The following IMPA2 variants were observed in gnomAD, a reference collection of about 807,000 sequenced individuals.
IMPA2 encodes inositol monophosphatase 2.
In IMPA2, 32 loss-of-function variants were observed where a neutral mutation model predicts 35.1. The observed-to-expected ratio is 0.91, with a 90% CI of 0.69 to 1.23. The LOEUF (loss-of-function observed/expected upper bound fraction) is 1.23, where lower values mean the gene tolerates loss of function less well. IMPA2 is among the 50% of genes most tolerant of loss of function. The pLI is 0.00. For missense variants in IMPA2, 334 were observed against 387.6 expected, an observed-to-expected ratio of 0.86 and a Z score of 1.16; for synonymous variants, 135 against 160.6, an observed-to-expected ratio of 0.84 and a Z score of 1.20.
At chr18:12,018,806 A>C (rs1907651023) in intron 5 of IMPA2, among the ~76,000 whole-genome samples, 1 of 151,992 alleles carries the variant, frequency 6.6e-6, no homozygotes, top group Non-Finnish European at 1.5e-5. Context: ...TGTTATAATA[A>C]GTTGTTTTGG....
Position 12,030,546 on chromosome 18 carries a change from C to G in IMPA2, c.*88C>G. 1 of 972,130 alleles carries G rather than the reference C, an allele frequency of 1.0e-6. No homozygotes were observed. The allele number at this position is 972,130 out of a possible 1,614,324, so 60.2% of individuals were successfully genotyped here. On this transcript the variant is annotated 3_prime_UTR_variant, in exon 8 of 8. Transcript: ENST00000269159. ...GGCCCTCGTGGCCCACGCTCCATGC[C>G]AGTGGCTCACGCTCTGCTCCTGGCT... is the stretch of plus-strand genomic sequence containing the variant.
chr18:12,008,514 T>C (rs1328947710), intron 2 of IMPA2: 1 of 458,508 alleles, frequency 2.2e-6, no homozygotes, highest in Non-Finnish European at 4.4e-6. Flanking sequence ...GCTTTAGATC[T>C]AGTCTTTTCT....
rs1200329434 is a variant in IMPA2, at chr18:11,981,517, G to A, written c.-153G>A. On this transcript the variant is annotated 5_prime_UTR_variant, in exon 1 of 8. Transcript: ENST00000269159. ...CCGCGGCCCGCTGGCTGCCCTTCCCGCCAGCGCAGGTGTGGGACGGGCGGC... is the reference window on the plus strand; with the variant it reads ...CCGCGGCCCGCTGGCTGCCCTTCCCACCAGCGCAGGTGTGGGACGGGCGGC... 2 of 456,876 alleles carry A rather than the reference G, an allele frequency of 4.4e-6. No homozygotes were observed. The highest frequency in any genetic ancestry group is 8.9e-5 in the Admixed American group (2 of 22,404). 28.3% of individuals were successfully genotyped at this position (456,876 alleles called of 1,614,324 possible).
intron 4 of IMPA2, 191 bp downstream of exon 4, chr18:12,012,406 G>T (rs751256999): frequency 8.4e-6 from 5 of 595,456 alleles, no homozygotes; most frequent in South Asian, 6.3e-5. Context: ...GGTGTGCGGG[G>T]TGGGGCTCCG....
intron 1 of IMPA2, among the ~76,000 whole-genome samples, chr18:11,997,452 A>G (rs1425495082): frequency 1.3e-5 from 2 of 152,156 alleles, no homozygotes; most frequent in African/African-American, 2.4e-5. Flanking sequence ...GGTATGACCT[A>G]TCACATTCTG....
Position 12,028,051 on chromosome 18 carries a change from A to G in IMPA2, c.499A>G (p.Lys167Glu). Residue 167 changes from lysine (K) to glutamate (E), a missense_variant, in exon 6 of 8, where the codon AAG becomes GAG. Lys to Glu is a moderately conservative substitution (Grantham distance 56). Transcript: ENST00000269159. The stretch of plus-strand genomic sequence containing the variant: ...AATTCTTTTTATTGCAGATCTCTCA[A>G]AGGCCTTGGTTCTGACAGAAATTGG... Reference protein sequence around the residue: ...LRVSGETDLSKALVLTEIGPK... With the variant: ...LRVSGETDLSEALVLTEIGPK... 1 of 1,612,134 alleles carries G rather than the reference A, an allele frequency of 6.2e-7. No individual in the cohort carries two copies. Among genetic ancestry groups the G allele is most frequent in the Non-Finnish European group, 8.5e-7 (1 of 1,178,234 alleles).
chr18:12,025,705 G>C (rs1907863422), intron 5 of IMPA2, among the ~76,000 whole-genome samples: 1 of 152,028 alleles, frequency 6.6e-6, no homozygotes, highest in Non-Finnish European at 1.5e-5. Flanking sequence ...TCAGCCTCTT[G>C]AGTAGCTGGG....
intron 1 of IMPA2, among the ~76,000 whole-genome samples, chr18:11,996,750 C>T (rs896345119): frequency 7.9e-5 from 12 of 152,104 alleles, no homozygotes; most frequent in African/African-American, 1.2e-4. Flanking sequence ...CTTGATGATC[C>T]CAGAGGCTCT....
intron 1 of IMPA2, among the ~76,000 whole-genome samples, chr18:11,986,344 G>A (rs574136570): frequency 2.0e-5 from 3 of 152,206 alleles, no homozygotes; most frequent in South Asian, 2.1e-4. Flanking sequence ...TCCAGAGCCC[G>A]GCTCCTGAGC....
At chr18:11,985,938 C>G (rs139813808) in intron 1 of IMPA2, among the ~76,000 whole-genome samples, 5 of 152,324 alleles carry the variant, frequency 3.3e-5, no homozygotes, top group African/African-American at 1.2e-4. Flanking sequence ...AAGGTTAGAT[C>G]TACAGTCAAA....
At chr18:12,007,610 CTTTCTTTCTTTTTCTTTCTTCT>C (rs1404441588) in intron 2 of IMPA2, among the ~76,000 whole-genome samples, 1 of 139,458 alleles carries the variant, frequency 7.2e-6, no homozygotes. Context: ...CTTTCTCTTT[CTTTCTTTCTTTTTCTTTCTTCT>C]TTCTTTCTTT....
intron 2 of IMPA2, among the ~76,000 whole-genome samples, chr18:12,003,176 C>A (rs1394787143): frequency 7.2e-5 from 11 of 151,950 alleles, no homozygotes; most frequent in Non-Finnish European, 2.9e-5. Flanking sequence ...GCCTGGGGAA[C>A]AAGAGCAAAA....
chr18:12,001,178 G>A (rs564062495), intron 2 of IMPA2, among the ~76,000 whole-genome samples: 14 of 151,928 alleles, frequency 9.2e-5, no homozygotes, highest in Non-Finnish European at 1.8e-4. Context: ...GCAGTGAGCC[G>A]AGGTCACACC....
intron 1 of IMPA2, chr18:11,993,982 C>G (rs1454343714): frequency 6.6e-6 from 1 of 152,184 alleles, no homozygotes; most frequent in Non-Finnish European, 1.5e-5. Context: ...CAGGCATGTT[C>G]GAGCCCCATG....
intron 2 of IMPA2, among the ~76,000 whole-genome samples, chr18:12,004,037 C>T (rs1011978726): frequency 6.6e-6 from 1 of 152,174 alleles, no homozygotes; most frequent in African/African-American, 2.4e-5. Flanking sequence ...CCTGCAGTGC[C>T]CAGCACAGAG....
chr18:11,992,221 T>C (rs1486844318), intron 1 of IMPA2, among the ~76,000 whole-genome samples: 2 of 152,232 alleles, frequency 1.3e-5, no homozygotes, highest in African/African-American at 4.8e-5. Flanking sequence ...CACAACACAT[T>C]CACTTGTGTT....
At chr18:12,029,128 T>C (rs1218748334) in intron 7 of IMPA2, 135 bp downstream of exon 7, 6 of 884,504 alleles carry the variant, frequency 6.8e-6, no homozygotes, top group Middle Eastern at 4.7e-4. Flanking sequence ...TTTTTTTTTT[T>C]TTTTTGAGAC....
intron 1 of IMPA2, among the ~76,000 whole-genome samples, chr18:11,983,543 A>G (rs751771142): frequency 4.6e-4 from 70 of 152,216 alleles, no homozygotes; most frequent in Non-Finnish European, 7.8e-4. Context: ...AGAGCTTGCA[A>G]TAGAGCAGGA....
chr18:12,017,224 T>A (rs923057567), intron 5 of IMPA2, among the ~76,000 whole-genome samples: 1 of 152,166 alleles, frequency 6.6e-6, no homozygotes, highest in Non-Finnish European at 1.5e-5. Context: ...AAAAGCAAAA[T>A]GATGCCCCAT....
Sources: allele counts gnomAD v4.1 joint callset (sites outside exome capture counted in the v4.1 genomes callset), GRCh38; gene constraint gnomAD v4.1.1; transcripts MANE v1.5; gene names NCBI Gene and HGNC (gene_info 2026-07-23, HGNC 2026-07-21).